Variants in BID observed in about 807,000 individuals in gnomAD.
BID encodes the protein BH3-interacting domain death agonist.
A neutral mutation model predicts 17.4 loss-of-function variants in BID; 19 were observed. The observed-to-expected ratio is 1.09, with a 90% CI of 0.76 to 1.60. The LOEUF is 1.60. BID is among the 40% of genes most tolerant of loss of function. BID has a pLI of 0.00. For synonymous variants in BID, 108 were observed against 102.8 expected (o/e 1.05, Z -0.31); for missense variants, 226 against 256.0 (o/e 0.88, Z 0.80).
chr22:17,756,623 C>G, intron 1 of BID, among the ~76,000 whole-genome samples: 1 of 148,064 alleles, frequency 6.8e-6, no homozygotes, highest in Non-Finnish European at 1.5e-5. Flanking sequence ...TTACCCAGGC[C>G]GGAGTGCAAT....
chr22:17,773,801 C>T lies in BID; in HGVS notation c.-59+580G>A, dbSNP rs1225546208. ...GGTCATTCAGCCACTCAACAGTTTC[C>T]CAGCAGCAGCAGCGAGGATCCGCAC... On this transcript the variant is annotated intron_variant, in intron 1 of 5. Transcript: ENST00000622694. The surrounding 1 kb of genome is among the most constrained non-coding windows in gnomAD (Gnocchi z 4.4). 13 of 1,016,874 alleles carry T rather than the reference C, an allele frequency of 1.3e-5. No homozygotes were observed. The Admixed American group carries it at 2.8e-4, about 22-fold the overall frequency. The allele number at this position is 1,016,874 out of a possible 1,614,324, so 63.0% of individuals were successfully genotyped here.
chr22:17,743,987 A>C lies in BID; in HGVS notation c.39T>G (p.Asp13Glu). The change falls in exon 3 of 6, where the codon GAT (aspartate) becomes GAG (glutamate). Residue 13 changes from aspartate (D) to glutamate (E), a missense_variant. Asp to Glu is a conservative substitution (Grantham distance 45). Coordinates refer to ENST00000622694, the MANE Select transcript of BID (RefSeq NM_001196.4). Reference sequence around the variant, plus strand: ...ACACCAGTAGGTTTGTGATGCACTCATCCCTGAGGCTGGAACCGTTGTTGA... The same window carrying C: ...ACACCAGTAGGTTTGTGATGCACTCCTCCCTGAGGCTGGAACCGTTGTTGA... ...CEVNNGSSLR[D>E]ECITNLLVFG... 1 of 1,614,058 alleles carries C rather than the reference A, an allele frequency of 6.2e-7. No homozygotes were observed. The highest frequency in any genetic ancestry group is 8.5e-7 in the Non-Finnish European group (1 of 1,180,022).
chr22:17,735,523 G>A lies in BID; in HGVS notation c.*57C>T. 1.2e-6 allele frequency: 2 copies of A among 1,609,602 alleles called. No individual in the cohort carries two copies. Among genetic ancestry groups the A allele is most frequent in the Non-Finnish European group, 1.7e-6 (2 of 1,175,918 alleles). ...CAGGGCTCCGTCTACACTGGAAGCA[G>A]CTATACAGCTGTGACCACATCGAGC... On this transcript the variant is annotated 3_prime_UTR_variant, in exon 6 of 6. Coordinates refer to ENST00000622694, the MANE Select transcript of BID (RefSeq NM_001196.4).
In BID at chr22:17,760,147, A is replaced by AC. The variant is rs2061626181; in HGVS notation, c.-58-9974_-58-9973insG. 3.4e-5 allele frequency among the ~76,000 whole-genome samples: 5 copies of AC among 147,278 alleles called. No homozygotes were observed. The South Asian group carries it at 1.1e-3, about 32-fold the overall frequency. On this transcript the variant is annotated intron_variant, in intron 1 of 5. Transcript: ENST00000622694. Reference sequence around the variant, plus strand: ...AGACTCCATCTCAAAAAAAAAAAAAAAAAAAGTTTCATATCTGGCCGGGCA... The same window carrying AC: ...AGACTCCATCTCAAAAAAAAAAAAAACAAAAAGTTTCATATCTGGCCGGGCA...
chr22:17,740,059 C>T, intron 3 of BID: 1 of 1,607,424 alleles, frequency 6.2e-7, no homozygotes, highest in Non-Finnish European at 8.5e-7. Context: ...CGCACAGCCT[C>T]CGTGCTGCCC....
intron 1 of BID, among the ~76,000 whole-genome samples, chr22:17,761,934 G>T (rs2061642178): frequency 6.6e-6 from 1 of 152,142 alleles, no homozygotes; most frequent in Admixed American, 6.5e-5. Context: ...GAAAACACTG[G>T]TAAATCGCTT....
In BID at chr22:17,771,517, T is replaced by C. The variant is rs563915571; in HGVS notation, c.-59+2864A>G. 4.2e-5 allele frequency among the ~76,000 whole-genome samples: 6 copies of C among 143,232 alleles called. No homozygotes were observed. In the South Asian group the frequency reaches 1.2e-3, roughly 29 times the overall value. The allele number at this position is 143,232 out of a possible 152,430, so 94.0% of individuals were successfully genotyped here. On this transcript the variant is annotated intron_variant, in intron 1 of 5. Coordinates refer to ENST00000622694, the MANE Select transcript of BID (RefSeq NM_001196.4). ...GCCTTGACCTCCCGGGCTCGAGCAA[T>C]CCTCCCGTCTCAGCCTCCCAAAGCC...
In BID at chr22:17,759,241, C is replaced by CAAA. The variant is rs1555906713; in HGVS notation, c.-58-9070_-58-9068dup. Among the ~76,000 whole-genome samples, 525 of 97,008 alleles carry CAAA rather than the reference C, an allele frequency of 5.4e-3. 5 individuals are homozygous for CAAA. Among genetic ancestry groups the CAAA allele is most frequent in the African/African-American group, 0.025 (494 of 19,410 alleles). 63.6% of individuals were successfully genotyped at this position (97,008 alleles called of 152,430 possible). On this transcript the variant is annotated intron_variant, in intron 1 of 5. Coordinates refer to ENST00000622694, the MANE Select transcript of BID (RefSeq NM_001196.4). ...AAAGACTCCGTCTCAAAACAAAAAACAAAACAAAAAAAAAAAAACAAAAGA... is the reference window on the plus strand; with the variant it reads ...AAAGACTCCGTCTCAAAACAAAAAACAAAAAAACAAAAAAAAAAAAACAAAAGA...
At chr22:17,739,889 C>T (rs1312898602) in intron 3 of BID, 2 of 658,696 alleles carry the variant, frequency 3.0e-6, no homozygotes, top group Non-Finnish European at 2.6e-6. Context: ...AGACGGCATC[C>T]CAGACCCACT....
intron 2 of BID, among the ~76,000 whole-genome samples, chr22:17,748,699 A>C: frequency 6.6e-6 from 1 of 151,566 alleles, no homozygotes; most frequent in East Asian, 2.0e-4. Context: ...GGGAGTGGCG[A>C]CGTCCACCCT....
intron 2 of BID, among the ~76,000 whole-genome samples, chr22:17,747,991 G>A (rs1296683): frequency 0.2 from 30,137 of 148,282 alleles, 3,224 homozygotes; most frequent in Non-Finnish European, 0.22. Context: ...CGGGCAGATC[G>A]CGAGGTCAGG....
intron 3 of BID, among the ~76,000 whole-genome samples, chr22:17,741,680 C>T (rs1384708762): frequency 6.6e-6 from 1 of 151,978 alleles, no homozygotes; most frequent in Non-Finnish European, 1.5e-5. Context: ...GTTTCACCAT[C>T]TTGGCTAGGG....
At chr22:17,757,710 A>G (rs534089645) in intron 1 of BID, among the ~76,000 whole-genome samples, 131 of 147,504 alleles carry the variant, frequency 8.9e-4, no homozygotes, top group African/African-American at 3.1e-3. Context: ...CTCCGTCTCA[A>G]AAAAAAAAAA....
At chr22:17,763,814 T>C (rs1345597445) in intron 1 of BID, among the ~76,000 whole-genome samples, 1 of 150,408 alleles carries the variant, frequency 6.6e-6, no homozygotes, top group Non-Finnish European at 1.5e-5. Flanking sequence ...GAGGTCTGTA[T>C]CAGATGTCAG....
intron 1 of BID, among the ~76,000 whole-genome samples, chr22:17,771,082 T>C (rs1324529313): frequency 1.3e-5 from 2 of 152,232 alleles, no homozygotes; most frequent in Admixed American, 6.5e-5. Context: ...GTCTGGTCTA[T>C]GATCCAGATG....
At chr22:17,736,145 A>G (rs554025556) in intron 5 of BID, among the ~76,000 whole-genome samples, 41 of 152,318 alleles carry the variant, frequency 2.7e-4, no homozygotes, top group Admixed American at 2.4e-3. Context: ...GCCTGAAGTA[A>G]TGCTTCTGAC....
intron 3 of BID, chr22:17,739,812 T>G (rs775875480): frequency 2.4e-5 from 14 of 585,106 alleles, no homozygotes; most frequent in Non-Finnish European, 3.7e-5. Context: ...GCTTCATGGC[T>G]CACACCACAC....
intron 1 of BID, among the ~76,000 whole-genome samples, chr22:17,752,243 C>T (rs187070256): frequency 9.9e-5 from 15 of 152,246 alleles, no homozygotes; most frequent in Admixed American, 5.2e-4. Context: ...TCTGCCAGGG[C>T]GACTTGGATA....
At chr22:17,745,136 C>G (rs962999206) in intron 2 of BID, among the ~76,000 whole-genome samples, 1 of 151,554 alleles carries the variant, frequency 6.6e-6, no homozygotes, top group African/African-American at 2.4e-5. Flanking sequence ...CTACAACCTC[C>G]GCTTCCTGGG....
Sources: allele counts gnomAD v4.1 joint callset (sites outside exome capture counted in the v4.1 genomes callset), GRCh38; gene constraint gnomAD v4.1.1; non-coding constraint Gnocchi (gnomAD v3.1); transcripts MANE v1.5; gene names NCBI Gene and HGNC (gene_info 2026-07-23, HGNC 2026-07-21).